Variants in TMEM131L observed in about 807,000 individuals in gnomAD.
TMEM131L encodes the protein transmembrane 131 like, also known as transmembrane protein 131-like.
Under a neutral mutation model 192.2 loss-of-function variants are expected in TMEM131L, and 54 were observed. The observed-to-expected ratio is 0.28, with a 90% CI of 0.23 to 0.35. The LOEUF (loss-of-function observed/expected upper bound fraction) is 0.35, where lower values mean the gene tolerates loss of function less well. TMEM131L is among the 10% of genes least tolerant of loss of function. TMEM131L has a pLI of 1.00. For missense variants in TMEM131L, 1,888 were observed against 1,972.9 expected, an observed-to-expected ratio of 0.96 and a Z score of 0.82; for synonymous variants, 701 against 704.9, an observed-to-expected ratio of 0.99 and a Z score of 0.09.
chr4:153,615,180 C>T (rs934781952), intron 26 of TMEM131L, among the ~76,000 whole-genome samples: 1 of 152,188 alleles, frequency 6.6e-6, no homozygotes, highest in African/African-American at 2.4e-5. Flanking sequence ...AATTGTATAC[C>T]TACCTCAAAG....
intron 3 of TMEM131L, among the ~76,000 whole-genome samples, chr4:153,510,894 AAAAC>A (rs1410219091): frequency 1.3e-5 from 2 of 152,104 alleles, no homozygotes; most frequent in Non-Finnish European, 2.9e-5. Flanking sequence ...CTCAAAAAAA[AAAAC>A]AAGAAAAGAA....
intron 3 of TMEM131L, among the ~76,000 whole-genome samples, chr4:153,479,393 A>G (rs138912974): frequency 2.0e-5 from 3 of 152,280 alleles, no homozygotes; most frequent in Non-Finnish European, 2.9e-5. Context: ...TCCTTTGCTG[A>G]GAAAGATCGT....
At chr4:153,470,476 A>ATT (rs1731074903) in intron 2 of TMEM131L, among the ~76,000 whole-genome samples, 1 of 152,212 alleles carries the variant, frequency 6.6e-6, no homozygotes, top group South Asian at 2.1e-4. Context: ...TCATAAAATC[A>ATT]TTTGGTGTAG....
chr4:153,566,274 C>T lies in TMEM131L; in HGVS notation c.660+7906C>T, dbSNP rs200348584. 5.3e-5 allele frequency among the ~76,000 whole-genome samples: 8 copies of T among 151,962 alleles called. No homozygotes were observed. In the East Asian group the frequency reaches 1.4e-3, roughly 26 times the overall value. On this transcript the variant is annotated intron_variant, in intron 7 of 34. Transcript: ENST00000409959. ...CCTCAGCCTCCCGAGTAGCTGGGACCACAGGCGCCCGCAAGCACGCCCAGA... is the reference window on the plus strand; with the variant it reads ...CCTCAGCCTCCCGAGTAGCTGGGACTACAGGCGCCCGCAAGCACGCCCAGA...
chr4:153,604,254 A>G lies in TMEM131L; in HGVS notation c.3242A>G (p.Gln1081Arg). ...SSECSMKEGI[Q>R]TCMFPKETDI... ...GAATGTAGTATGAAGGAGGGAATAC[A>G]GACATGTATGTTTCCTAAGGAAACT... The change falls in exon 25 of 35, where the codon CAG (glutamine) becomes CGG (arginine). Residue 1081 changes from glutamine (Q) to arginine (R), a missense_variant. Coordinates refer to ENST00000409959, the MANE Select transcript of TMEM131L (RefSeq NM_001131007.2). 6.2e-7 allele frequency: 1 copy of G among 1,614,144 alleles called. No homozygotes were observed. Among genetic ancestry groups the G allele is most frequent in the Non-Finnish European group, 8.5e-7 (1 of 1,179,992 alleles).
At chr4:153,550,405 C>G (rs1220098806) in intron 4 of TMEM131L, among the ~76,000 whole-genome samples, 1 of 152,176 alleles carries the variant, frequency 6.6e-6, no homozygotes, top group Non-Finnish European at 1.5e-5. Context: ...CTGCTCACTG[C>G]AAGCTCTGCC....
intron 31 of TMEM131L, 101 bp downstream of exon 31, chr4:153,627,788 A>G: frequency 1.1e-6 from 1 of 921,928 alleles, no homozygotes; most frequent in Non-Finnish European, 1.7e-6. Context: ...GGGGTGGGAC[A>G]GGGCCATTTC....
chr4:153,621,328 A>T (rs1020976379), intron 27 of TMEM131L, among the ~76,000 whole-genome samples: 5 of 152,104 alleles, frequency 3.3e-5, no homozygotes. Flanking sequence ...CCCTCAGGTC[A>T]CCCTTGCTTC....
chr4:153,633,051 A>G (rs558747816), intron 32 of TMEM131L, among the ~76,000 whole-genome samples: 1 of 152,072 alleles, frequency 6.6e-6, no homozygotes, highest in Non-Finnish European at 1.5e-5. Context: ...AAAGCTGGTG[A>G]CAGTGTCGTT....
chr4:153,625,451 A>G (rs951354805), intron 29 of TMEM131L, among the ~76,000 whole-genome samples: 1 of 152,106 alleles, frequency 6.6e-6, no homozygotes, highest in African/African-American at 2.4e-5. Context: ...GCTTGAGGGA[A>G]AGGCTAACAT....
At chr4:153,536,127 CAG>C (rs972627093) in intron 3 of TMEM131L, among the ~76,000 whole-genome samples, 3 of 152,090 alleles carry the variant, frequency 2.0e-5, no homozygotes, top group African/African-American at 7.2e-5. Context: ...GCTGGAAAGA[CAG>C]GGGAAGTTGT....
chr4:153,466,414 G>A lies in TMEM131L; in HGVS notation c.17G>A (p.Arg6His), dbSNP rs1269264340. 3.0e-5 allele frequency: 41 copies of A among 1,351,590 alleles called. No individual in the cohort carries two copies. The highest frequency in any genetic ancestry group is 6.1e-5 in the East Asian group (2 of 32,540). 83.7% of individuals were successfully genotyped at this position (1,351,590 alleles called of 1,614,324 possible). MAGLR[R>H]PQPGCYCRTA... is the part of the protein sequence containing the mutation. ...AGCAGCAGCATGGCGGGGCTCCGAC[G>A]CCCGCAGCCCGGCTGCTACTGCCGC... is the stretch of plus-strand genomic sequence containing the variant. The change falls in exon 1 of 35, where the codon CGC becomes CAC. Residue 6 changes from arginine to histidine, a missense_variant. Physicochemically the swap from Arg to His is conservative, Grantham distance 29. Transcript: ENST00000409959.
intron 3 of TMEM131L, among the ~76,000 whole-genome samples, chr4:153,496,162 G>A (rs1243780771): frequency 6.6e-6 from 1 of 152,162 alleles, no homozygotes; most frequent in African/African-American, 2.4e-5. Flanking sequence ...TGGGTTTAAC[G>A]GATAGGAATT....
At chr4:153,466,731 G>T (rs1043508544) in intron 1 of TMEM131L, among the ~76,000 whole-genome samples, 1 of 152,202 alleles carries the variant, frequency 6.6e-6, no homozygotes, top group Non-Finnish European at 1.5e-5. Context: ...TGGAGAGCGG[G>T]GCAGTCGCGG....
intron 3 of TMEM131L, among the ~76,000 whole-genome samples, chr4:153,528,199 T>C (rs1735637962): frequency 6.6e-6 from 1 of 152,226 alleles, no homozygotes; most frequent in Non-Finnish European, 1.5e-5. Flanking sequence ...TCAGGTGGAT[T>C]ATTTAGTCGT....
At chr4:153,559,809 C>G (rs572504588) in intron 7 of TMEM131L, among the ~76,000 whole-genome samples, 1 of 152,038 alleles carries the variant, frequency 6.6e-6, no homozygotes, top group East Asian at 1.9e-4. Context: ...CAGTGCATTC[C>G]CATAGGTCTT....
chr4:153,613,152 A>T (rs182529011), intron 26 of TMEM131L, among the ~76,000 whole-genome samples: 30 of 152,338 alleles, frequency 2.0e-4, no homozygotes, highest in African/African-American at 7.0e-4. Context: ...ATACAAATGA[A>T]ATCATAAGCT....
rs1730506977 is a variant in TMEM131L, at chr4:153,583,584, G to A, written c.972G>A (p.Gln324=). The change falls in exon 11 of 35, where the codon CAG becomes CAA. Residue 324 remains glutamine, a synonymous_variant. Transcript: ENST00000409959. Reference sequence around the variant, plus strand: ...TTCAGGATATACGCCATTTCTCACAGAGAGATGCTCTGTCTCTGCAGTTTG... The same window carrying A: ...TTCAGGATATACGCCATTTCTCACAAAGAGATGCTCTGTCTCTGCAGTTTG... ...IWIQDIRHFS[Q]RDALSLQFEP... is the part of the protein sequence containing the mutation. 1 of 1,610,902 alleles carries A rather than the reference G, an allele frequency of 6.2e-7. No homozygotes were observed. Among genetic ancestry groups the A allele is most frequent in the Non-Finnish European group, 8.5e-7 (1 of 1,178,050 alleles).
intron 3 of TMEM131L, among the ~76,000 whole-genome samples, chr4:153,538,914 C>T (rs1024783848): frequency 6.1e-5 from 9 of 146,694 alleles, no homozygotes; most frequent in African/African-American, 9.8e-5. Flanking sequence ...TGGAAACTGC[C>T]GGCGCGATAC....
Sources: allele counts gnomAD v4.1 joint callset (sites outside exome capture counted in the v4.1 genomes callset), GRCh38; gene constraint gnomAD v4.1.1; transcripts MANE v1.5; gene names NCBI Gene and HGNC (gene_info 2026-07-23, HGNC 2026-07-21).